Variants in GALNT7 observed in about 807,000 individuals in gnomAD.
GALNT7 encodes the protein N-acetylgalactosaminyltransferase 7.
Under a neutral mutation model 82.1 loss-of-function variants are expected in GALNT7, and 60 were observed. That is an observed-to-expected ratio of 0.73 (90% CI 0.59 to 0.91). The LOEUF is 0.91. Ranked by LOEUF, GALNT7 falls within the 40% of genes least tolerant of loss-of-function variation. The probability of loss-of-function intolerance (pLI) is 0.00; values close to 1 mark genes in which losing one functional copy is unlikely to be tolerated. For missense variants in GALNT7, 660 were observed against 804.2 expected (o/e 0.82, Z 2.17); for synonymous variants, 243 against 275.1 (o/e 0.88, Z 1.15).
intron 1 of GALNT7, among the ~76,000 whole-genome samples, chr4:173,181,364 C>T (rs1444600679): frequency 6.6e-6 from 1 of 152,040 alleles, no homozygotes; most frequent in Non-Finnish European, 1.5e-5. Context: ...AGAATGTTTC[C>T]CTTTTAGTGA....
At chr4:173,183,653 A>G (rs1021790280) in intron 1 of GALNT7, among the ~76,000 whole-genome samples, 15 of 152,266 alleles carry the variant, frequency 9.9e-5, no homozygotes, top group African/African-American at 3.4e-4. Flanking sequence ...CCCGTTCTCA[A>G]TGAGCTGTTG....
intron 8 of GALNT7, among the ~76,000 whole-genome samples, chr4:173,311,138 T>C (rs1737366431): frequency 6.6e-6 from 1 of 152,232 alleles, no homozygotes. Flanking sequence ...TGCTTTTCTC[T>C]TTGCCCTGAA....
chr4:173,295,581 A>C (rs770611542), intron 4 of GALNT7, 55 bp downstream of exon 4: 29 of 1,525,804 alleles, frequency 1.9e-5, no homozygotes, highest in Non-Finnish European at 2.5e-5. Flanking sequence ...TAACTAAATC[A>C]TACACATTTT....
chr4:173,227,402 G>A (rs1183777872), intron 1 of GALNT7, among the ~76,000 whole-genome samples: 1 of 152,122 alleles, frequency 6.6e-6, no homozygotes, highest in Non-Finnish European at 1.5e-5. Context: ...CTCGATCTTG[G>A]CTCACTGCAA....
chr4:173,305,210 T>A (rs1035499248), intron 8 of GALNT7, among the ~76,000 whole-genome samples: 1 of 152,228 alleles, frequency 6.6e-6, no homozygotes, highest in Non-Finnish European at 1.5e-5. Context: ...CATTTCTTCA[T>A]ATAACTGTTG....
intron 2 of GALNT7, among the ~76,000 whole-genome samples, chr4:173,276,865 G>C (rs1735931286): frequency 6.6e-6 from 1 of 151,922 alleles, no homozygotes; most frequent in African/African-American, 2.4e-5. Flanking sequence ...CTTCTTGTTT[G>C]GTGAGCATGT....
chr4:173,237,759 TAAAA>T (rs34258933), intron 1 of GALNT7, among the ~76,000 whole-genome samples: 1 of 144,466 alleles, frequency 6.9e-6, no homozygotes, highest in Admixed American at 6.8e-5. Flanking sequence ...TTCCCTGGAT[TAAAA>T]AAAAAAAAAA....
chr4:173,261,744 G>A (rs1735272747), intron 2 of GALNT7, among the ~76,000 whole-genome samples: 4 of 152,066 alleles, frequency 2.6e-5, no homozygotes, highest in South Asian at 4.1e-4. Context: ...GCTTGAACCC[G>A]GAAGGTGGAG....
chr4:173,234,218 A>G (rs969352330), intron 1 of GALNT7, among the ~76,000 whole-genome samples: 1 of 152,176 alleles, frequency 6.6e-6, no homozygotes, highest in African/African-American at 2.4e-5. Context: ...TCCATCATGT[A>G]AGGGGTGAAT....
At chr4:173,254,703 A>G (rs1344874780) in intron 2 of GALNT7, among the ~76,000 whole-genome samples, 1 of 152,196 alleles carries the variant, frequency 6.6e-6, no homozygotes, top group Non-Finnish European at 1.5e-5. Context: ...ACAATTTTTC[A>G]CACACAATCC....
chr4:173,278,369 C>T (rs1249622168), intron 2 of GALNT7, among the ~76,000 whole-genome samples: 2 of 152,166 alleles, frequency 1.3e-5, no homozygotes, highest in Non-Finnish European at 2.9e-5. Context: ...GGAGTGATAT[C>T]AACCTCTCAG....
chr4:173,225,366 G>C (rs1254785665), intron 1 of GALNT7, among the ~76,000 whole-genome samples: 2 of 152,278 alleles, frequency 1.3e-5, no homozygotes, highest in East Asian at 3.9e-4. Context: ...GAAAAATCAA[G>C]AATTTGCAGG....
chr4:173,214,379 C>A (rs577625633), intron 1 of GALNT7, among the ~76,000 whole-genome samples: 33 of 152,016 alleles, frequency 2.2e-4, no homozygotes, highest in African/African-American at 7.2e-4. Flanking sequence ...TTTGAGGAGT[C>A]ATTAACTTGC....
intron 1 of GALNT7, among the ~76,000 whole-genome samples, chr4:173,181,994 C>A (rs186887434): frequency 2.5e-4 from 38 of 152,292 alleles, no homozygotes; most frequent in Admixed American, 4.6e-4. Flanking sequence ...GTGGTAAAAT[C>A]ATGTTTTGTA....
rs558742725 is a variant in GALNT7, at chr4:173,293,107, G to A, written c.754+833G>A. Among the ~76,000 whole-genome samples, 18 of 151,964 alleles carry A rather than the reference G, an allele frequency of 1.2e-4. No homozygotes were observed. The East Asian group carries it at 1.4e-3, about 11-fold the overall frequency. The stretch of plus-strand genomic sequence containing the variant: ...ATGTATAAAATAACTTTTCAAAATC[G>A]CCCAATTTTACTAATTTTAAGAACC... On this transcript the variant is annotated intron_variant, in intron 3 of 11. Transcript: ENST00000265000.
intron 1 of GALNT7, among the ~76,000 whole-genome samples, chr4:173,228,607 T>C (rs1240393466): frequency 6.6e-6 from 1 of 152,092 alleles, no homozygotes; most frequent in East Asian, 1.9e-4. Context: ...TAGAATATAT[T>C]CACAGGTCTG....
chr4:173,316,037 CAG>C (rs1245826997), intron 9 of GALNT7: 1 of 151,628 alleles, frequency 6.6e-6, no homozygotes, highest in East Asian at 1.9e-4. Flanking sequence ...ATACAGCAGT[CAG>C]AGTGACTGTT....
At chr4:173,192,470 T>G (rs1732655954) in intron 1 of GALNT7, among the ~76,000 whole-genome samples, 1 of 152,202 alleles carries the variant, frequency 6.6e-6, no homozygotes, top group Non-Finnish European at 1.5e-5. Flanking sequence ...ATTTGTAGTT[T>G]CTGTATGTGG....
At chr4:173,200,156 C>G (rs1196581739) in intron 1 of GALNT7, among the ~76,000 whole-genome samples, 2 of 152,170 alleles carry the variant, frequency 1.3e-5, no homozygotes, top group Non-Finnish European at 2.9e-5. Flanking sequence ...ATTTAGCTAA[C>G]CAATTATATA....
Sources: allele counts gnomAD v4.1 joint callset (sites outside exome capture counted in the v4.1 genomes callset), GRCh38; gene constraint gnomAD v4.1.1; transcripts MANE v1.5; gene names NCBI Gene and HGNC (gene_info 2026-07-23, HGNC 2026-07-21).